The following SEPTIN14 variants were observed in gnomAD, a reference collection of about 807,000 sequenced individuals.
SEPTIN14 encodes the protein septin 14.
In SEPTIN14, 40 loss-of-function variants were observed where a neutral mutation model predicts 53.6. That is an observed-to-expected ratio of 0.75 (90% confidence interval 0.58 to 0.97). The LOEUF is 0.97. Ranked by LOEUF, SEPTIN14 falls within the 50% of genes least tolerant of loss-of-function variation. The pLI, the probability that SEPTIN14 is intolerant of heterozygous loss-of-function variation, is 0.00. For missense variants in SEPTIN14, 471 were observed against 508.2 expected (o/e 0.93, Z 0.70); for synonymous variants, 138 against 166.8 (o/e 0.83, Z 1.33).
At chr7:55,804,108 C>A (rs1164372147) in intron 9 of SEPTIN14, among the ~76,000 whole-genome samples, 1 of 129,006 alleles carries the variant, frequency 7.8e-6, no homozygotes, top group Non-Finnish European at 1.5e-5. Flanking sequence ...TGCACTCCAA[C>A]CTGGGTAACA....
intron 9 of SEPTIN14, among the ~76,000 whole-genome samples, chr7:55,799,518 CAAAAAAA>C (rs59445168): frequency 0.28 from 17,755 of 62,886 alleles, 1,530 homozygotes; most frequent in East Asian, 0.52. Context: ...ACTCTTGTCT[CAAAAAAA>C]AAAAAAAAAA....
chr7:55,830,349 A>ATATATATATTTTTT (rs71015108), intron 6 of SEPTIN14, among the ~76,000 whole-genome samples: 3 of 56,846 alleles, frequency 5.3e-5, no homozygotes, highest in African/African-American at 2.0e-4. Flanking sequence ...ATATATATAT[A>ATATATATATTTTTT]TTTTTTTTTT....
Position 55,846,597 on chromosome 7 carries a change from T to C in SEPTIN14, c.95A>G (p.His32Arg), listed in dbSNP as rs1034550895. The C allele has an allele frequency of 2.0e-6, 3 of 1,518,900 alleles. No homozygotes were observed. The highest frequency in any genetic ancestry group is 2.7e-6 in the Non-Finnish European group (3 of 1,097,146). 94.1% of individuals were successfully genotyped at this position (1,518,900 alleles called of 1,614,324 possible). Residue 32 changes from histidine to arginine, a missense_variant, in exon 3 of 10, where the codon CAT (histidine) becomes CGT (arginine). His to Arg is a conservative substitution (Grantham distance 29). Transcript: ENST00000388975. Reference protein sequence around the residue: ...NNIRCLTTIGHFGFECLPNQL... With the variant: ...NNIRCLTTIGRFGFECLPNQL... ...ATTGGGCAAACATTCAAAACCAAAATGTCCAATCGTAGTTAAACAACGAAT... is the reference window on the plus strand; with the variant it reads ...ATTGGGCAAACATTCAAAACCAAAACGTCCAATCGTAGTTAAACAACGAAT...
intron 7 of SEPTIN14, among the ~76,000 whole-genome samples, chr7:55,811,766 T>C (rs1788710644): frequency 6.6e-6 from 1 of 151,620 alleles, no homozygotes; most frequent in South Asian, 2.1e-4. Flanking sequence ...CCTAAAGCAC[T>C]GGGATTACAG....
intron 5 of SEPTIN14, among the ~76,000 whole-genome samples, chr7:55,837,802 C>CA (rs1403046110): frequency 2.6e-5 from 4 of 152,204 alleles, no homozygotes; most frequent in African/African-American, 9.6e-5. Context: ...AGGCTGTTCT[C>CA]AAACTCCTGA....
intron 9 of SEPTIN14, among the ~76,000 whole-genome samples, chr7:55,804,657 T>C (rs186600009): frequency 6.6e-6 from 1 of 152,208 alleles, no homozygotes; most frequent in Admixed American, 6.5e-5. Context: ...AGGAAGTTTA[T>C]GTTCCAATTT....
intron 9 of SEPTIN14, among the ~76,000 whole-genome samples, chr7:55,800,975 GAAATTAA>G (rs959019681): frequency 5.9e-5 from 9 of 151,788 alleles, no homozygotes; most frequent in Non-Finnish European, 1.3e-4. Flanking sequence ...GGTACCCATA[GAAATTAA>G]AAATTAAAAA....
intron 6 of SEPTIN14, among the ~76,000 whole-genome samples, chr7:55,821,721 A>G (rs1562710749): frequency 1.3e-5 from 2 of 152,188 alleles, no homozygotes; most frequent in Non-Finnish European, 2.9e-5. Flanking sequence ...ATAATAATGC[A>G]ATTTATATGG....
At chr7:55,800,331 T>C (rs942091644) in intron 9 of SEPTIN14, among the ~76,000 whole-genome samples, 3 of 152,144 alleles carry the variant, frequency 2.0e-5, no homozygotes, top group African/African-American at 7.2e-5. Flanking sequence ...AAAATTAAAA[T>C]AATTGAACTC....
At chr7:55,801,223 C>T (rs1788518166) in intron 9 of SEPTIN14, among the ~76,000 whole-genome samples, 1 of 151,486 alleles carries the variant, frequency 6.6e-6, no homozygotes, top group Non-Finnish European at 1.5e-5. Flanking sequence ...AAGATATAGA[C>T]TAGAGAAACA....
In SEPTIN14 at chr7:55,843,042, T is replaced by G. The variant is rs770166179; in HGVS notation, c.458A>C (p.Tyr153Ser). 25 of 1,603,498 alleles carry G rather than the reference T, an allele frequency of 1.6e-5. 1 individual carries two copies. The highest frequency in any genetic ancestry group is 2.1e-5 in the Non-Finnish European group (25 of 1,174,494). ...ELKIKRSLFE[Y>S]HDSRVHVCLY... is the part of the protein sequence containing the mutation. Reference sequence around the variant, plus strand: ...ACACACGTGGACGCGAGAATCATGGTACTCAAACAAGGAACGTTTAATCTT... The same window carrying G: ...ACACACGTGGACGCGAGAATCATGGGACTCAAACAAGGAACGTTTAATCTT... The change falls in exon 5 of 10, where the codon TAC becomes TCC. Residue 153 changes from tyrosine (Y) to serine (S), a missense_variant. Transcript: ENST00000388975.
At chr7:55,811,111 T>C (rs573331576) in intron 7 of SEPTIN14, 2 of 467,276 alleles carry the variant, frequency 4.3e-6, no homozygotes, top group Non-Finnish European at 8.4e-6. Flanking sequence ...GGTGTTTGAA[T>C]AGCTCCCGCG....
intron 2 of SEPTIN14, among the ~76,000 whole-genome samples, chr7:55,855,633 G>A (rs1461393341): frequency 2.0e-5 from 3 of 152,244 alleles, no homozygotes; most frequent in African/African-American, 7.2e-5. Flanking sequence ...TCGGCTCACT[G>A]CAACTTCCGC....
chr7:55,842,230 T>A (rs541089010), intron 5 of SEPTIN14, among the ~76,000 whole-genome samples: 1 of 151,812 alleles, frequency 6.6e-6, no homozygotes, highest in East Asian at 1.9e-4. Flanking sequence ...TGCATAATGA[T>A]GAAATCACCT....
chr7:55,852,907 C>T (rs1789544241), intron 2 of SEPTIN14, among the ~76,000 whole-genome samples: 2 of 152,144 alleles, frequency 1.3e-5, no homozygotes, highest in African/African-American at 4.8e-5. Context: ...CAAAAGAAGA[C>T]ATACAAATGG....
chr7:55,852,668 C>T (rs1353073100), intron 2 of SEPTIN14, among the ~76,000 whole-genome samples: 2 of 151,926 alleles, frequency 1.3e-5, no homozygotes, highest in Admixed American at 6.6e-5. Context: ...CACAGGAAAC[C>T]AAAGCAAAAA....
At chr7:55,822,808 G>A (rs541698210) in intron 6 of SEPTIN14, among the ~76,000 whole-genome samples, 4 of 147,114 alleles carry the variant, frequency 2.7e-5, no homozygotes, top group African/African-American at 1.0e-4. Context: ...AGATAATGTA[G>A]AGTCCTAATT....
chr7:55,843,134 A>G lies in SEPTIN14; in HGVS notation c.372-6T>C, dbSNP rs1789343863. ...AGTCAACTATTGGTTGGTAGCTAAAAAAAAATTTATACATTTAGCATAACA... is the reference window on the plus strand; with the variant it reads ...AGTCAACTATTGGTTGGTAGCTAAAGAAAAATTTATACATTTAGCATAACA... On this transcript the variant is annotated splice_region_variant and splice_polypyrimidine_tract_variant and intron_variant, in intron 4 of 9. Transcript: ENST00000388975. 6.5e-7 allele frequency: 1 copy of G among 1,546,742 alleles called. No individual in the cohort carries two copies. The highest frequency in any genetic ancestry group is 1.4e-5 in the African/African-American group (1 of 72,030).
chr7:55,820,439 A>C (rs1214069312), intron 6 of SEPTIN14, among the ~76,000 whole-genome samples: 1 of 152,256 alleles, frequency 6.6e-6, no homozygotes, highest in Non-Finnish European at 1.5e-5. Context: ...TATCAGTTAC[A>C]GTTACCTGTT....
Sources: gnomAD v4.1 joint callset for allele counts (sites outside exome capture counted in the v4.1 genomes callset) on GRCh38, gnomAD v4.1.1 for gene constraint, MANE v1.5 for transcripts, NCBI Gene and HGNC (gene_info 2026-07-23, HGNC 2026-07-21) for gene names.